The following MUSK variants were observed in gnomAD, a reference collection of about 807,000 sequenced individuals.
MUSK encodes muscle associated receptor tyrosine kinase, also known as muscle, skeletal receptor tyrosine-protein kinase.
MUSK carries 55 observed loss-of-function variants against 88.7 expected under a neutral mutation model. The observed-to-expected ratio is 0.62, with a 90% confidence interval of 0.50 to 0.78. The LOEUF (loss-of-function observed/expected upper bound fraction) is 0.78, where lower values mean the gene tolerates loss of function less well. MUSK is among the 30% of genes least tolerant of loss of function. The pLI, the probability that MUSK is intolerant of heterozygous loss-of-function variation, is 0.00. For missense variants in MUSK, 1,015 were observed against 1,074.3 expected (o/e 0.94, Z 0.77); for synonymous variants, 387 against 391.9 (o/e 0.99, Z 0.15).
rs753376480 is a variant in MUSK at position 110,682,820 on chromosome 9, A to AT, written c.206+27dup. The AT allele has an allele frequency of 1.1e-4, 172 of 1,584,368 alleles. 1 individual carries two copies. The highest frequency in any genetic ancestry group is 1.0e-3 in the South Asian group (93 of 89,242). On this transcript the variant is annotated intron_variant, in intron 2 of 14. Coordinates refer to ENST00000374448, the MANE Select transcript of MUSK (RefSeq NM_005592.4). ...CATTAAGTAAGTATTCCACATTTTA[A>AT]TTTTTTTAAATTTTTGTGGGTATAT... is the stretch of plus-strand genomic sequence containing the variant.
chr9:110,706,478 A>G (rs1316283694), intron 5 of MUSK, among the ~76,000 whole-genome samples: 1 of 152,072 alleles, frequency 6.6e-6, no homozygotes, highest in Non-Finnish European at 1.5e-5. Flanking sequence ...GTAGCCAAAG[A>G]GTGATCTATG....
chr9:110,739,399 A>T (rs2077070191), intron 6 of MUSK, among the ~76,000 whole-genome samples: 1 of 152,136 alleles, frequency 6.6e-6, no homozygotes, highest in Non-Finnish European at 1.5e-5. Flanking sequence ...TGGTGTCCAG[A>T]GTTTTTACTG....
intron 5 of MUSK, among the ~76,000 whole-genome samples, chr9:110,724,276 T>C (rs980376727): frequency 5.9e-4 from 89 of 152,004 alleles, no homozygotes; most frequent in African/African-American, 2.1e-3. Flanking sequence ...TGAAAGTCAA[T>C]TTATTATTGC....
intron 5 of MUSK, among the ~76,000 whole-genome samples, chr9:110,714,432 G>A (rs1288606248): frequency 6.6e-6 from 1 of 152,156 alleles, no homozygotes; most frequent in Non-Finnish European, 1.5e-5. Flanking sequence ...TTGTCCTGGA[G>A]AAGAGAGTCA....
intron 5 of MUSK, among the ~76,000 whole-genome samples, chr9:110,717,935 T>C (rs541222123): frequency 1.3e-5 from 2 of 152,292 alleles, no homozygotes; most frequent in South Asian, 4.1e-4. Flanking sequence ...ACACAGAAAC[T>C]CAATGTTTTA....
intron 11 of MUSK, among the ~76,000 whole-genome samples, chr9:110,780,965 C>T (rs1007730349): frequency 6.6e-6 from 1 of 152,066 alleles, no homozygotes; most frequent in African/African-American, 2.4e-5. Flanking sequence ...CATGCTATTC[C>T]ACCTCGTAAA....
At position 110,800,499 on chromosome 9, in the gene MUSK, G is replaced by A; in HGVS notation, c.2121G>A (p.Arg707=). The A allele has an allele frequency of 6.2e-7, 1 of 1,613,866 alleles. No individual in the cohort carries two copies. Among genetic ancestry groups the A allele is most frequent in the Non-Finnish European group, 8.5e-7 (1 of 1,179,862 alleles). Residue 707 remains arginine (R), a synonymous_variant, in exon 15 of 15, where the codon AGG becomes AGA. Coordinates refer to ENST00000374448, the MANE Select transcript of MUSK (RefSeq NM_005592.4). ...LSCAEQLCIA[R]QVAAGMAYLS... is the part of the protein sequence containing the mutation. ...GTGCTGAGCAGCTTTGCATTGCCAG[G>A]CAGGTGGCAGCTGGCATGGCTTACC...
intron 9 of MUSK, chr9:110,775,333 C>T (rs1255903555): frequency 2.0e-5 from 4 of 204,944 alleles, no homozygotes; most frequent in Non-Finnish European, 3.9e-5. Flanking sequence ...GAGGCCCAGA[C>T]TGTGTTCCTC....
chr9:110,755,951 C>CGTATATATATACATATATATATATATAT (rs1269355799), intron 7 of MUSK, among the ~76,000 whole-genome samples: 2 of 101,792 alleles, frequency 2.0e-5, no homozygotes, highest in African/African-American at 8.5e-5. Flanking sequence ...TATATATATA[C>CGTATATATATACATATATATATATATAT]ACATATATAT....
intron 14 of MUSK, among the ~76,000 whole-genome samples, chr9:110,788,857 CAG>C (rs1554756052): frequency 6.6e-6 from 1 of 152,078 alleles, no homozygotes; most frequent in Non-Finnish European, 1.5e-5. Flanking sequence ...AAGGGAATAA[CAG>C]TGTGGATATC....
intron 3 of MUSK, among the ~76,000 whole-genome samples, chr9:110,688,959 AATAC>A (rs1223116491): frequency 4.1e-5 from 6 of 145,332 alleles, no homozygotes; most frequent in Non-Finnish European, 9.0e-5. Flanking sequence ...TTTAAATATA[AATAC>A]ATACATATAT....
At chr9:110,732,147 G>GT in intron 5 of MUSK, among the ~76,000 whole-genome samples, 1 of 152,166 alleles carries the variant, frequency 6.6e-6, no homozygotes, top group South Asian at 2.1e-4. Flanking sequence ...TCTAGCACAT[G>GT]TGAGGTTGAA....
intron 5 of MUSK, among the ~76,000 whole-genome samples, chr9:110,718,767 C>T (rs1242639311): frequency 6.6e-6 from 1 of 152,032 alleles, no homozygotes; most frequent in Non-Finnish European, 1.5e-5. Context: ...AAATCATTGC[C>T]TAGACACATA....
rs572555311 is a variant in MUSK, at chr9:110,725,964, T to C, written c.629-8287T>C. ...TATGTGGAAAAACTAGGACTACTGTTTGAGCTCGAAATGACCAAAAAAGTC... is the reference window on the plus strand; with the variant it reads ...TATGTGGAAAAACTAGGACTACTGTCTGAGCTCGAAATGACCAAAAAAGTC... On this transcript the variant is annotated intron_variant, in intron 5 of 14. Coordinates refer to ENST00000374448, the MANE Select transcript of MUSK (RefSeq NM_005592.4). Among the ~76,000 whole-genome samples the C allele has an allele frequency of 1.2e-4, 18 of 152,048 alleles. No individual in the cohort carries two copies. The South Asian group carries it at 3.5e-3, about 30-fold the overall frequency.
In MUSK at chr9:110,674,241, T is replaced by C. The variant is rs1221609616; in HGVS notation, c.79+5258T>C. On this transcript the variant is annotated intron_variant, in intron 1 of 14. Coordinates refer to ENST00000374448, the MANE Select transcript of MUSK (RefSeq NM_005592.4). The stretch of plus-strand genomic sequence containing the variant: ...AGTAGCATCCTTCATATATTATTTC[T>C]ACCACACAGACACATTACAGATAAC... Among the ~76,000 whole-genome samples, 3 of 152,202 alleles carry C rather than the reference T, an allele frequency of 2.0e-5. No homozygotes were observed. The East Asian group carries it at 5.8e-4, about 29-fold the overall frequency.
At position 110,800,802 on chromosome 9, in the gene MUSK, T is replaced by C. The variant is rs1242793069; in HGVS notation, c.2424T>C (p.His808=). ...TGCAGCCCTACTATGGGATGGCCCA[T>C]GAGGAGGTCATTTACTACGTGCGAG... ...YGLQPYYGMA[H]EEVIYYVRDG... is the part of the protein sequence containing the mutation. Residue 808 remains histidine (H), a synonymous_variant, in exon 15 of 15, where the codon CAT becomes CAC. Coordinates refer to ENST00000374448, the MANE Select transcript of MUSK (RefSeq NM_005592.4). 1.2e-6 allele frequency: 2 copies of C among 1,613,756 alleles called. No homozygotes were observed. Among genetic ancestry groups the C allele is most frequent in the East Asian group, 2.2e-5 (1 of 44,858 alleles).
At position 110,695,643 on chromosome 9, in the gene MUSK, A is replaced by G. The variant is rs989515710; in HGVS notation, c.486+113A>G. On this transcript the variant is annotated intron_variant, in intron 4 of 14. Transcript: ENST00000374448. ...TTCTAGTATAAAGTAGTTTCCATGTACATTTTAACCAAATGTAAATATTTC... is the reference window on the plus strand; with the variant it reads ...TTCTAGTATAAAGTAGTTTCCATGTGCATTTTAACCAAATGTAAATATTTC... 9.4e-6 allele frequency: 8 copies of G among 849,624 alleles called. No homozygotes were observed. In the African/African-American group the frequency reaches 1.2e-4, roughly 13 times the overall value. 52.6% of individuals were successfully genotyped at this position (849,624 alleles called of 1,614,324 possible). A position where few individuals can be genotyped will look rare whatever the true frequency, so the allele number is the denominator to read the frequency against.
chr9:110,670,541 A>G (rs2075944206), intron 1 of MUSK, among the ~76,000 whole-genome samples: 1 of 152,206 alleles, frequency 6.6e-6, no homozygotes, highest in African/African-American at 2.4e-5. Context: ...TATTCTAGAA[A>G]GAATTGATTT....
intron 3 of MUSK, among the ~76,000 whole-genome samples, chr9:110,688,401 A>C (rs1454581044): frequency 6.6e-6 from 1 of 151,772 alleles, no homozygotes; most frequent in African/African-American, 2.4e-5. Flanking sequence ...CTATGTACAC[A>C]CGTATGTAGT....
Sources: allele counts gnomAD v4.1 joint callset (sites outside exome capture counted in the v4.1 genomes callset), GRCh38; gene constraint gnomAD v4.1.1; transcripts MANE v1.5; gene names NCBI Gene and HGNC (gene_info 2026-07-23, HGNC 2026-07-21).